WWOX: variants seen among roughly 807,000 people sequenced by gnomAD.
WWOX encodes WW domain-containing oxidoreductase.
A neutral mutation model predicts 46.2 loss-of-function variants in WWOX; 69 were observed. The observed-to-expected ratio is 1.49, with a 90% CI of 1.23 to 1.82. The LOEUF is 1.82. WWOX is among the 40% of genes most tolerant of loss of function. The pLI, the probability that WWOX is intolerant of heterozygous loss-of-function variation, is 0.00. For missense variants in WWOX, 919 were observed against 542.6 expected (o/e 1.69, Z -6.89); for synonymous variants, 359 against 202.6 (o/e 1.77, Z -6.56).
chr16:79,018,208 G>T (rs915414748), intron 8 of WWOX, among the ~76,000 whole-genome samples: 9 of 152,078 alleles, frequency 5.9e-5, no homozygotes, highest in Admixed American at 3.3e-4. Context: ...TAGTTATTTT[G>T]CCTTTACCAA....
At chr16:78,784,228 C>T (rs1208408107) in intron 8 of WWOX, among the ~76,000 whole-genome samples, 2 of 152,064 alleles carry the variant, frequency 1.3e-5, no homozygotes, top group Admixed American at 6.6e-5. Flanking sequence ...TACTATTATC[C>T]TCCTTTTATA....
At chr16:78,827,063 C>T (rs535714274) in intron 8 of WWOX, among the ~76,000 whole-genome samples, 7 of 152,314 alleles carry the variant, frequency 4.6e-5, no homozygotes, top group Non-Finnish European at 8.8e-5. Flanking sequence ...AACCAGAGAG[C>T]TTTGATCCCT....
At chr16:78,638,108 T>G (rs1318473682) in intron 8 of WWOX, among the ~76,000 whole-genome samples, 6 of 152,196 alleles carry the variant, frequency 3.9e-5, no homozygotes, top group Admixed American at 3.9e-4. Context: ...TCTTAGTTAT[T>G]CTAATAACTG....
At chr16:78,202,188 G>A (rs1383913904) in intron 5 of WWOX, among the ~76,000 whole-genome samples, 8 of 152,202 alleles carry the variant, frequency 5.3e-5, no homozygotes, top group Non-Finnish European at 1.2e-4. Flanking sequence ...GACCAGTAAT[G>A]TCTTGGGGAC....
At chr16:78,558,041 CAGTG>C (rs975305367) in intron 8 of WWOX, among the ~76,000 whole-genome samples, 66 of 152,206 alleles carry the variant, frequency 4.3e-4, no homozygotes, top group Admixed American at 1.4e-3. Flanking sequence ...AGTCGGCCCT[CAGTG>C]AGCATTTGTT....
At chr16:78,203,386 G>T (rs1490701841) in intron 5 of WWOX, among the ~76,000 whole-genome samples, 1 of 152,104 alleles carries the variant, frequency 6.6e-6, no homozygotes, top group Admixed American at 6.5e-5. Context: ...CATTCAAAAG[G>T]GAAATATGTT....
At chr16:78,936,771 A>G (rs1275355231) in intron 8 of WWOX, among the ~76,000 whole-genome samples, 1 of 152,168 alleles carries the variant, frequency 6.6e-6, no homozygotes, top group Non-Finnish European at 1.5e-5. Context: ...AAGTAAAAAA[A>G]AAGTCAGTGC....
intron 8 of WWOX, among the ~76,000 whole-genome samples, chr16:78,993,832 G>A (rs547460759): frequency 1.3e-5 from 2 of 152,218 alleles, no homozygotes; most frequent in Non-Finnish European, 2.9e-5. Context: ...AAGAAGCCAA[G>A]ACGCCTGTTC....
At chr16:78,801,105 G>A (rs1199613958) in intron 8 of WWOX, among the ~76,000 whole-genome samples, 1 of 151,304 alleles carries the variant, frequency 6.6e-6, no homozygotes, top group Non-Finnish European at 1.5e-5. Context: ...CCAGGCTGGA[G>A]TGCAGTGGTG....
At chr16:78,653,132 TAATA>T (rs1567465958) in intron 8 of WWOX, among the ~76,000 whole-genome samples, 1 of 152,158 alleles carries the variant, frequency 6.6e-6, no homozygotes, top group Non-Finnish European at 1.5e-5. Flanking sequence ...ATTGGGCTCG[TAATA>T]TATAGGCACA....
At chr16:78,797,437 C>A (rs1274964951) in intron 8 of WWOX, among the ~76,000 whole-genome samples, 4 of 150,170 alleles carry the variant, frequency 2.7e-5, no homozygotes, top group African/African-American at 9.8e-5. Flanking sequence ...GTCATTTCCC[C>A]AAATGCCTAA....
chr16:79,124,139 G>A (rs1235820176), intron 8 of WWOX, among the ~76,000 whole-genome samples: 3 of 152,040 alleles, frequency 2.0e-5, no homozygotes, highest in African/African-American at 4.8e-5. Flanking sequence ...TATAAACTTC[G>A]GATGGTGCCC....
At chr16:78,929,013 C>G (rs575349727) in intron 8 of WWOX, among the ~76,000 whole-genome samples, 28 of 152,286 alleles carry the variant, frequency 1.8e-4, no homozygotes, top group African/African-American at 5.8e-4. Context: ...AATATACGTT[C>G]ACATATAGTT....
At chr16:78,967,186 A>G (rs1260610365) in intron 8 of WWOX, among the ~76,000 whole-genome samples, 1 of 151,766 alleles carries the variant, frequency 6.6e-6, no homozygotes, top group Non-Finnish European at 1.5e-5. Flanking sequence ...CCTGAGAGAT[A>G]CCTGGAAGGA....
rs1380336918 is a variant in WWOX at position 78,350,222 on chromosome 16, A to C, written c.517-36638A>C. 5.0e-5 allele frequency among the ~76,000 whole-genome samples: 6 copies of C among 120,890 alleles called. 2 individuals are homozygous for C. The allele number at this position is 120,890 out of a possible 152,430, so 79.3% of individuals were successfully genotyped here. On this transcript the variant is annotated intron_variant, in intron 5 of 8. Transcript: ENST00000566780. Reference sequence around the variant, plus strand: ...CTCCATCAGTTGTGAGGTATGTTTCAAGTGATTTATTACTAGAAATTCTTA... The same window carrying C: ...CTCCATCAGTTGTGAGGTATGTTTCCAGTGATTTATTACTAGAAATTCTTA...
In WWOX at chr16:78,659,528, A is replaced by C. The variant is rs184014544; in HGVS notation, c.1056+226776A>C. Among the ~76,000 whole-genome samples the C allele has an allele frequency of 2.6e-5, 4 of 152,244 alleles. No homozygotes were observed. In the East Asian group the frequency reaches 7.7e-4, roughly 29 times the overall value. On this transcript the variant is annotated intron_variant, in intron 8 of 8. Transcript: ENST00000566780. ...CCTAAAGTTTGAGAACTTCTGATCA[A>C]AAATGCCAGATAAGAAAAAAAAACC...
At chr16:78,572,751 A>C (rs1052199922) in intron 8 of WWOX, among the ~76,000 whole-genome samples, 1 of 152,162 alleles carries the variant, frequency 6.6e-6, no homozygotes, top group African/African-American at 2.4e-5. Flanking sequence ...AAGAATGCAA[A>C]ATATGAGCTA....
At chr16:78,223,380 A>C (rs1435383801) in intron 5 of WWOX, among the ~76,000 whole-genome samples, 2 of 152,172 alleles carry the variant, frequency 1.3e-5, no homozygotes, top group Admixed American at 6.5e-5. Context: ...GAAACCCTGC[A>C]CTTGTGTGGA....
chr16:78,910,973 G>T (rs546280636), intron 8 of WWOX, among the ~76,000 whole-genome samples: 1 of 151,878 alleles, frequency 6.6e-6, no homozygotes, highest in African/African-American at 2.4e-5. Context: ...ATAATGTGTT[G>T]TGCACAATAT....
Sources: gnomAD v4.1 joint callset for allele counts (sites outside exome capture counted in the v4.1 genomes callset) on GRCh38, gnomAD v4.1.1 for gene constraint, MANE v1.5 for transcripts, NCBI Gene and HGNC (gene_info 2026-07-23, HGNC 2026-07-21) for gene names.